MED13L: variants seen among roughly 807,000 people sequenced by gnomAD.
MED13L encodes the protein mediator of RNA polymerase II transcription subunit 13-like.
A neutral mutation model predicts 220.9 loss-of-function variants in MED13L; 7 were observed. The ratio of observed to expected loss-of-function variants is 0.03; its 90% CI spans 0.02 to 0.06. The LOEUF (loss-of-function observed/expected upper bound fraction) is 0.06, where lower values mean the gene tolerates loss of function less well. Among genes scored for constraint, MED13L ranks in the 10% least tolerant of loss-of-function variants. The pLI, the probability that MED13L is intolerant of heterozygous loss-of-function variation, is 1.00. For synonymous variants in MED13L, 1,011 were observed against 1,015.2 expected, an observed-to-expected ratio of 1.00 and a Z score of 0.08; for missense variants, 1,965 against 2,760.5, an observed-to-expected ratio of 0.71 and a Z score of 6.46.
chr12:116,082,189 T>C (rs1040055749), intron 4 of MED13L, among the ~76,000 whole-genome samples: 1 of 152,220 alleles, frequency 6.6e-6, no homozygotes, highest in African/African-American at 2.4e-5. Context: ...TTCTTTCTAA[T>C]TTTCTTTATT....
At chr12:115,969,577 CTCT>C (rs543170953) in intron 27 of MED13L, among the ~76,000 whole-genome samples, 258 of 149,852 alleles carry the variant, frequency 1.7e-3, no homozygotes, top group African/African-American at 5.3e-3. Context: ...AATGTTTTCT[CTCT>C]TTTTTTTTTT....
intron 18 of MED13L, among the ~76,000 whole-genome samples, chr12:115,986,856 G>C (rs1405666859): frequency 3.3e-5 from 5 of 152,100 alleles, no homozygotes; most frequent in African/African-American, 9.7e-5. Context: ...GTGAGGATTG[G>C]GAAAATGAGG....
intron 2 of MED13L, among the ~76,000 whole-genome samples, chr12:116,221,792 C>T (rs1024149570): frequency 1.3e-5 from 2 of 152,048 alleles, no homozygotes; most frequent in African/African-American, 2.4e-5. Flanking sequence ...TCTGATCAAC[C>T]GATAATTAAG....
chr12:116,213,074 G>A (rs1017627659), intron 2 of MED13L, among the ~76,000 whole-genome samples: 3 of 152,074 alleles, frequency 2.0e-5, no homozygotes, highest in African/African-American at 4.8e-5. Context: ...ACTTATAAAC[G>A]AAGCATAAAG....
At chr12:116,114,200 C>A (rs1874330775) in intron 2 of MED13L, among the ~76,000 whole-genome samples, 1 of 152,134 alleles carries the variant, frequency 6.6e-6, no homozygotes, top group South Asian at 2.1e-4. Context: ...ATGATATCAT[C>A]ATTTTACAAG....
At chr12:116,030,194 C>T (rs1184446650) in intron 4 of MED13L, among the ~76,000 whole-genome samples, 2 of 152,176 alleles carry the variant, frequency 1.3e-5, no homozygotes, top group Non-Finnish European at 2.9e-5. Context: ...CTCAAATTTC[C>T]GACCTCAGGT....
intron 4 of MED13L, among the ~76,000 whole-genome samples, chr12:116,055,370 G>A (rs146322106): frequency 6.6e-6 from 1 of 152,278 alleles, no homozygotes; most frequent in African/African-American, 2.4e-5. Flanking sequence ...TTGCAAGTCG[G>A]ATAATTAAAA....
At chr12:116,221,209 T>C in intron 2 of MED13L, among the ~76,000 whole-genome samples, 1 of 151,876 alleles carries the variant, frequency 6.6e-6, no homozygotes, top group South Asian at 2.1e-4. Flanking sequence ...ACCCCATCTC[T>C]ATAAAAAACA....
intron 1 of MED13L, 87 bp from the exon 2 acceptor site, chr12:116,237,792 CTAAAA>C: frequency 8.7e-7 from 1 of 1,145,382 alleles, no homozygotes. Flanking sequence ...AGCAATTGTG[CTAAAA>C]TAAATATTTA....
intron 4 of MED13L, among the ~76,000 whole-genome samples, chr12:116,054,776 G>A (rs1171423283): frequency 6.6e-6 from 1 of 152,206 alleles, no homozygotes; most frequent in African/African-American, 2.4e-5. Context: ...GGTACAGCCA[G>A]TTTGGAAAAT....
intron 2 of MED13L, among the ~76,000 whole-genome samples, chr12:116,175,655 C>T (rs992503446): frequency 2.6e-5 from 4 of 152,072 alleles, no homozygotes; most frequent in African/African-American, 7.2e-5. Flanking sequence ...CAAGTCAGGA[C>T]GTCCTTGATG....
chr12:116,049,042 C>G (rs1882001501), intron 4 of MED13L, among the ~76,000 whole-genome samples: 1 of 152,156 alleles, frequency 6.6e-6, no homozygotes, highest in Non-Finnish European at 1.5e-5. Flanking sequence ...AAACAAAAGT[C>G]TCTGATTTTC....
In MED13L at chr12:115,991,294, C is replaced by G; in HGVS notation, c.3660G>C (p.Glu1220Asp). The G allele has an allele frequency of 6.2e-7, 1 of 1,614,110 alleles. No homozygotes were observed. The highest frequency in any genetic ancestry group is 8.5e-7 in the Non-Finnish European group (1 of 1,180,036). ...PQVEGTKKPQEPPISLLLLLQ... is the reference protein window; with the variant it reads ...PQVEGTKKPQDPPISLLLLLQ... ...GGAGGAGGAGAAGGCTTATGGGTGG[C>G]TCCTGGGGTTTTTTGGTTCCTTCCA... The change falls in exon 17 of 31, where the codon GAG becomes GAC. Residue 1220 changes from glutamate (E) to aspartate (D), a missense_variant. Transcript: ENST00000281928. This position sits in a 1 kb window ranked among gnomAD's most constrained non-coding sequence, Gnocchi z 7.7.
chr12:116,269,305 C>G (rs1344480782), intron 1 of MED13L, among the ~76,000 whole-genome samples: 1 of 151,982 alleles, frequency 6.6e-6, no homozygotes, highest in Non-Finnish European at 1.5e-5. Context: ...GATCAGCCAG[C>G]CTCGGCCTCC....
At chr12:116,077,042 C>CT (rs56859662) in intron 4 of MED13L, among the ~76,000 whole-genome samples, 22,669 of 152,182 alleles carry the variant, frequency 0.15, 1,888 homozygotes, top group Middle Eastern at 0.21. Context: ...ATGTGTCTGT[C>CT]TTACTGCTGC....
intron 14 of MED13L, among the ~76,000 whole-genome samples, chr12:115,999,931 A>G (rs1025459955): frequency 5.9e-5 from 9 of 152,192 alleles, no homozygotes; most frequent in Non-Finnish European, 1.0e-4. Flanking sequence ...CATTGTTACT[A>G]TCAGATATTC....
intron 4 of MED13L, among the ~76,000 whole-genome samples, chr12:116,031,458 G>T (rs1305117318): frequency 6.6e-6 from 1 of 151,274 alleles, no homozygotes; most frequent in Non-Finnish European, 1.5e-5. Context: ...CTGGCATGGT[G>T]GCGGGCGCCT....
chr12:116,046,712 G>A (rs761932595), intron 4 of MED13L, among the ~76,000 whole-genome samples: 40 of 152,180 alleles, frequency 2.6e-4, no homozygotes, highest in Non-Finnish European at 4.9e-4. Context: ...GGTGGCTCAC[G>A]CCTGTAATCT....
At chr12:115,996,783 T>C in intron 15 of MED13L, 102 bp from the exon 16 acceptor site, 2 of 1,120,258 alleles carry the variant, frequency 1.8e-6, no homozygotes, top group Non-Finnish European at 2.7e-6. Flanking sequence ...AATGATCGTA[T>C]TTCAGTATTT....
Sources: allele counts gnomAD v4.1 joint callset (sites outside exome capture counted in the v4.1 genomes callset), GRCh38; gene constraint gnomAD v4.1.1; non-coding constraint Gnocchi (gnomAD v3.1); transcripts MANE v1.5; gene names NCBI Gene and HGNC (gene_info 2026-07-23, HGNC 2026-07-21).